ENTPD5: variants seen among roughly 807,000 people sequenced by gnomAD.
ENTPD5 encodes the protein ectonucleoside triphosphate diphosphohydrolase 5 (inactive).
In ENTPD5, 49 loss-of-function variants were observed where a neutral mutation model predicts 60.2. The observed-to-expected ratio is 0.81, with a 90% confidence interval of 0.65 to 1.03. ENTPD5 has a LOEUF of 1.03. Among genes scored for constraint, ENTPD5 ranks in the 50% least tolerant of loss-of-function variants. The pLI is 0.00. For synonymous variants in ENTPD5, 187 were observed against 185.4 expected, an observed-to-expected ratio of 1.01 and a Z score of -0.07; for missense variants, 480 against 507.6, an observed-to-expected ratio of 0.95 and a Z score of 0.52.
intron 6 of ENTPD5, among the ~76,000 whole-genome samples, chr14:73,982,106 G>A (rs907191643): frequency 1.3e-5 from 2 of 152,040 alleles, no homozygotes; most frequent in East Asian, 1.9e-4. Flanking sequence ...ATGCAGTCTC[G>A]CTCTGTTGCG....
At chr14:74,008,037 T>C (rs897154748) in intron 3 of ENTPD5, among the ~76,000 whole-genome samples, 10 of 152,050 alleles carry the variant, frequency 6.6e-5, no homozygotes, top group Non-Finnish European at 8.8e-5. Flanking sequence ...TTTCACTATG[T>C]TGGCCACACT....
chr14:73,994,209 T>C (rs533337132), intron 3 of ENTPD5, among the ~76,000 whole-genome samples: 2 of 152,186 alleles, frequency 1.3e-5, no homozygotes, highest in South Asian at 4.1e-4. Flanking sequence ...CACTGCAACC[T>C]CTGCCTCCTG....
chr14:73,961,512 G>A, downstream of ENTPD5: 1 of 1,614,146 alleles, frequency 6.2e-7, no homozygotes, highest in Non-Finnish European at 8.5e-7. Context: ...TGGGCTTTGG[G>A]GATATCTCCA....
intron 14 of ENTPD5, 110 bp downstream of exon 14, chr14:73,971,742 C>A: frequency 1.4e-6 from 1 of 735,562 alleles, no homozygotes; most frequent in Non-Finnish European, 2.4e-6. Flanking sequence ...AGGAAACTAG[C>A]CTTCTGATAG....
Position 74,017,669 on chromosome 14 carries a change from T to A in ENTPD5, c.-238+1581A>T, listed in dbSNP as rs532108368. Reference sequence around the variant, plus strand: ...GGGAGACCAAGGCGGGTGGATCACCTGAGGCCAGGAGTTCAAGACCAGCCT... The same window carrying A: ...GGGAGACCAAGGCGGGTGGATCACCAGAGGCCAGGAGTTCAAGACCAGCCT... On this transcript the variant is annotated intron_variant, in intron 1 of 15. Transcript: ENST00000334696. 7.9e-5 allele frequency among the ~76,000 whole-genome samples: 12 copies of A among 151,420 alleles called. No homozygotes were observed. In the South Asian group the frequency reaches 2.3e-3, roughly 29 times the overall value.
At chr14:73,959,845 C>A, downstream of ENTPD5, 4 of 1,297,476 alleles carry the variant, frequency 3.1e-6, no homozygotes, top group Non-Finnish European at 3.0e-6. Context: ...GCTGGGATTA[C>A]AGGCGTGAGC....
At chr14:73,959,317 C>T (rs1489165643), downstream of ENTPD5, 4 of 1,613,932 alleles carry the variant, frequency 2.5e-6, no homozygotes, top group African/African-American at 5.3e-5. Flanking sequence ...GGGAATCTGC[C>T]CAGGCTGTTT....
chr14:73,961,043 T>A, downstream of ENTPD5: 1 of 1,053,672 alleles, frequency 9.5e-7, no homozygotes, highest in East Asian at 2.6e-5. Flanking sequence ...TTATCACTTG[T>A]CAAGATCAGT....
chr14:73,961,193 G>A (rs768567530), downstream of ENTPD5: 5 of 1,613,766 alleles, frequency 3.1e-6, no homozygotes, highest in Admixed American at 1.7e-5. Context: ...CTGACCACAC[G>A]GACTTCATCG....
chr14:73,987,241 C>T (rs1286146822), intron 4 of ENTPD5: 2 of 676,028 alleles, frequency 3.0e-6, no homozygotes, highest in African/African-American at 1.8e-5. Context: ...TGTGATCCTT[C>T]TCCCAAAACC....
chr14:74,001,412 G>A (rs2058501889), intron 3 of ENTPD5, among the ~76,000 whole-genome samples: 1 of 151,778 alleles, frequency 6.6e-6, no homozygotes, highest in Non-Finnish European at 1.5e-5. Context: ...TTAGGCAGGA[G>A]AATGACGTGA....
chr14:73,960,238 A>C (rs939887871), downstream of ENTPD5: 1 of 986,940 alleles, frequency 1.0e-6, no homozygotes, highest in Non-Finnish European at 1.2e-6. Flanking sequence ...TGTGGGTTCA[A>C]AATGTAAATA....
chr14:73,961,196 C>T, downstream of ENTPD5: 1 of 1,613,952 alleles, frequency 6.2e-7, no homozygotes, highest in Non-Finnish European at 8.5e-7. Context: ...ACCACACGGA[C>T]TTCATCGACA....
intron 6 of ENTPD5, among the ~76,000 whole-genome samples, chr14:73,981,222 C>T (rs1428208215): frequency 6.6e-6 from 1 of 151,650 alleles, no homozygotes; most frequent in Non-Finnish European, 1.5e-5. Flanking sequence ...GACTTAGGGC[C>T]GGGTGCAGTG....
chr14:73,981,282 T>C (rs1427188273), intron 6 of ENTPD5, among the ~76,000 whole-genome samples: 3 of 151,788 alleles, frequency 2.0e-5, no homozygotes, highest in Non-Finnish European at 4.4e-5. Context: ...GGGTGGAGTT[T>C]GAGGCCAGGA....
chr14:73,981,517 C>T (rs2057689840), intron 6 of ENTPD5, among the ~76,000 whole-genome samples: 1 of 150,474 alleles, frequency 6.6e-6, no homozygotes, highest in African/African-American at 2.4e-5. Context: ...TATGACTTCA[C>T]CAGGCGTGGT....
At chr14:73,980,242 T>G (rs1034430530) in intron 6 of ENTPD5, among the ~76,000 whole-genome samples, 1 of 146,356 alleles carries the variant, frequency 6.8e-6, no homozygotes, top group African/African-American at 2.5e-5. Flanking sequence ...CCACCGCGCC[T>G]GGCCTACTAT....
At chr14:74,003,994 A>T (rs2058590513) in intron 3 of ENTPD5, among the ~76,000 whole-genome samples, 1 of 151,694 alleles carries the variant, frequency 6.6e-6, no homozygotes, top group South Asian at 2.1e-4. Context: ...AGTCCCAGCT[A>T]CTTGGGAGGC....
chr14:73,959,417 C>T (rs1387819431), downstream of ENTPD5: 2 of 1,614,060 alleles, frequency 1.2e-6, no homozygotes, highest in Non-Finnish European at 1.7e-6. Flanking sequence ...TGACACAGCT[C>T]TCAGACACCT....
Sources: gnomAD v4.1 joint callset for allele counts (sites outside exome capture counted in the v4.1 genomes callset) on GRCh38, gnomAD v4.1.1 for gene constraint, MANE v1.5 for transcripts, NCBI Gene and HGNC (gene_info 2026-07-23, HGNC 2026-07-21) for gene names.